The following ZNF276 variants were observed in gnomAD, a reference collection of about 807,000 sequenced individuals.
ZNF276 encodes centromere protein Z.
A neutral mutation model predicts 63.9 loss-of-function variants in ZNF276; 59 were observed. That is an observed-to-expected ratio of 0.92 (90% confidence interval 0.75 to 1.15). The LOEUF (loss-of-function observed/expected upper bound fraction) is 1.15. ZNF276 is among the 50% of genes most tolerant of loss of function. The pLI, the probability that ZNF276 is intolerant of heterozygous loss-of-function variation, is 0.00. For missense variants in ZNF276, 1,084 were observed against 843.8 expected, an observed-to-expected ratio of 1.28 and a Z score of -3.53; for synonymous variants, 496 against 348.4, an observed-to-expected ratio of 1.42 and a Z score of -4.72.
At chr16:89,736,817 A>T (rs977718233) in intron 9 of ZNF276, among the ~76,000 whole-genome samples, 11 of 151,440 alleles carry the variant, frequency 7.3e-5, no homozygotes, top group Non-Finnish European at 1.2e-4. Flanking sequence ...AAAAAAAAGA[A>T]TCCCTTGAAC....
chr16:89,739,798 G>A lies in ZNF276; in HGVS notation c.*1552G>A. On this transcript the variant is annotated 3_prime_UTR_variant, in exon 11 of 11. Transcript: ENST00000443381. ...GGCAGTCCCCATGATAGGCCCATTG[G>A]TCCTGGGGTTGACCAGTGAGCCAGT... 1.4e-6 allele frequency: 2 copies of A among 1,465,436 alleles called. No homozygotes were observed. The highest frequency in any genetic ancestry group is 1.8e-6 in the Non-Finnish European group (2 of 1,112,670). 90.8% of individuals were successfully genotyped at this position (1,465,436 alleles called of 1,614,324 possible).
chr16:89,722,347 A>T (rs1049446611), intron 1 of ZNF276, among the ~76,000 whole-genome samples, 184 bp from the exon 2 acceptor site: 2 of 152,152 alleles, frequency 1.3e-5, no homozygotes, highest in African/African-American at 4.8e-5. Context: ...GATTTCTTGG[A>T]CCAGCGGCCA....
chr16:89,729,433 T>G, intron 6 of ZNF276, 115 bp downstream of exon 6: 1 of 929,342 alleles, frequency 1.1e-6, no homozygotes, highest in Non-Finnish European at 1.7e-6. Flanking sequence ...TGTGCGGATC[T>G]CCCGAGCCCA....
chr16:89,727,573 C>T (rs550917638), intron 5 of ZNF276, among the ~76,000 whole-genome samples: 49 of 152,284 alleles, frequency 3.2e-4, no homozygotes, highest in Non-Finnish European at 5.1e-4. Context: ...CGCCTCCTCT[C>T]GAGGTGGCGG....
chr16:89,734,683 C>G (rs2061790390), intron 9 of ZNF276, among the ~76,000 whole-genome samples: 1 of 152,182 alleles, frequency 6.6e-6, no homozygotes, highest in Non-Finnish European at 1.5e-5. Flanking sequence ...GGGAGCTGCC[C>G]ACGTGGACAG....
At chr16:89,724,766 C>G (rs1238186282) in intron 4 of ZNF276, among the ~76,000 whole-genome samples, 1 of 152,206 alleles carries the variant, frequency 6.6e-6, no homozygotes, top group Non-Finnish European at 1.5e-5. Flanking sequence ...AGCTGCTTGG[C>G]TCTGTAAACT....
rs1168642609 is a variant in ZNF276, at chr16:89,734,007, C to T, written c.1443C>T (p.Tyr481=). 2 of 1,614,092 alleles carry T rather than the reference C, an allele frequency of 1.2e-6. No homozygotes were observed. Among genetic ancestry groups the T allele is most frequent in the Middle Eastern group, 1.6e-4 (1 of 6,062 alleles). The change falls in exon 9 of 11, where the codon TAC becomes TAT. Residue 481 remains tyrosine (Y), a synonymous_variant. Transcript: ENST00000443381. ...GCNKVFMIDR[Y]LQRHVKLIHT... is the part of the protein sequence containing the mutation. ...ACAAGGTTTTCATGATCGACCGCTA[C>T]CTGCAGCGCCACGTGAAGCTCATCC...
chr16:89,730,720 A>G (rs950638916), intron 6 of ZNF276, among the ~76,000 whole-genome samples: 2 of 152,216 alleles, frequency 1.3e-5, no homozygotes, highest in African/African-American at 2.4e-5. Context: ...GACTGCGGCG[A>G]GTACCAGGGG....
At chr16:89,725,038 C>T (rs867247254) in intron 4 of ZNF276, among the ~76,000 whole-genome samples, 5 of 152,246 alleles carry the variant, frequency 3.3e-5, no homozygotes, top group Admixed American at 6.5e-5. Context: ...CTCAGCCTCC[C>T]GAGTAGCTGG....
Position 89,738,693 on chromosome 16 carries a change from CA to C in ZNF276, c.*448del, listed in dbSNP as rs1598048941. 1 of 1,613,936 alleles carries C rather than the reference CA, an allele frequency of 6.2e-7. No individual in the cohort carries two copies. ...GCGCTCACCTCTGGGTCGCAGTCCC[CA>C]CGATCAGCCAGCAGCTGTGAGAGAG... On this transcript the variant is annotated 3_prime_UTR_variant, in exon 11 of 11. Transcript: ENST00000443381.
chr16:89,722,660 T>TA lies in ZNF276; in HGVS notation c.335_336insA (p.Leu113AlafsTer177). The TA allele has an allele frequency of 6.2e-7, 1 of 1,612,312 alleles. No individual in the cohort carries two copies. The highest frequency in any genetic ancestry group is 8.5e-7 in the Non-Finnish European group (1 of 1,180,016). On this transcript the variant is annotated frameshift_variant, in exon 2 of 11. Coordinates refer to ENST00000443381, the MANE Select transcript of ZNF276 (RefSeq NM_001113525.2). LOFTEE classifies it high-confidence loss of function. ...GAGAGGCCATCCGCAGAGGAGCGCG[T>TA]GCTCGTACGGGACTTCCAGCGCCTG...
chr16:89,730,010 C>T (rs1051109619), intron 6 of ZNF276, among the ~76,000 whole-genome samples: 1 of 152,150 alleles, frequency 6.6e-6, no homozygotes, highest in Non-Finnish European at 1.5e-5. Context: ...TTTCACAGCC[C>T]AGAACAAAGG....
chr16:89,723,192 T>TC lies in ZNF276; in HGVS notation c.556+14dup. 3.1e-6 allele frequency: 5 copies of TC among 1,613,078 alleles called. No homozygotes were observed. The highest frequency in any genetic ancestry group is 4.2e-6 in the Non-Finnish European group (5 of 1,180,002). ...GGAGGGAGCGTGTCTGGGTGAGTCC[T>TC]CCCCCGGTGGAGGGTGGGCTGGGTG... On this transcript the variant is annotated intron_variant, in intron 3 of 10. Transcript: ENST00000443381.
rs17233819 is a variant in ZNF276, at chr16:89,737,929, C to G, written c.1574+24C>G. ...CAGTAAGTGTGAGTCAGGACCCCCT[C>G]CCAGGGCTGTGGCCCTCGCACCTTC... On this transcript the variant is annotated intron_variant, in intron 10 of 10. Transcript: ENST00000443381. 33 of 1,467,150 alleles carry G rather than the reference C, an allele frequency of 2.2e-5. No individual in the cohort carries two copies. Among genetic ancestry groups the G allele is most frequent in the Non-Finnish European group, 2.9e-5 (32 of 1,121,136 alleles). The allele number at this position is 1,467,150 out of a possible 1,614,324, so 90.9% of individuals were successfully genotyped here.
upstream of ZNF276, chr16:89,721,070 C>G (rs1178173496): frequency 1.0e-5 from 4 of 384,642 alleles, no homozygotes; most frequent in Non-Finnish European, 1.7e-5. Context: ...GGTGGGTTGT[C>G]GCGACGGAGC....
chr16:89,737,148 T>G (rs1472398502), intron 9 of ZNF276, among the ~76,000 whole-genome samples: 2 of 152,108 alleles, frequency 1.3e-5, no homozygotes, highest in Non-Finnish European at 2.9e-5. Context: ...TGGACCCCTC[T>G]CATATGGAGA....
intron 4 of ZNF276, among the ~76,000 whole-genome samples, chr16:89,726,492 A>C (rs1164585634): frequency 2.6e-5 from 4 of 151,994 alleles, no homozygotes; most frequent in African/African-American, 7.2e-5. Flanking sequence ...TACCACGCCC[A>C]GCTCAATTTT....
chr16:89,737,854 G>A lies in ZNF276; in HGVS notation c.1523G>A (p.Arg508Gln), dbSNP rs745414313. ...CDECGQTFKQ[R>Q]KHLLVHQMRH... is the part of the protein sequence containing the mutation. Reference sequence around the variant, plus strand: ...GAATGTGGACAAACCTTCAAGCAGCGGAAGCACCTTCTCGTCCACCAAATG... The same window carrying A: ...GAATGTGGACAAACCTTCAAGCAGCAGAAGCACCTTCTCGTCCACCAAATG... The change falls in exon 10 of 11, where the codon CGG (arginine) becomes CAG (glutamine). Residue 508 changes from arginine (R) to glutamine (Q), a missense_variant. Coordinates refer to ENST00000443381, the MANE Select transcript of ZNF276 (RefSeq NM_001113525.2). 1.2e-5 allele frequency: 19 copies of A among 1,614,156 alleles called. No homozygotes were observed. Among genetic ancestry groups the A allele is most frequent in the East Asian group, 2.2e-5 (1 of 44,874 alleles).
upstream of ZNF276, chr16:89,721,535 C>T (rs1010041445): frequency 1.2e-5 from 14 of 1,200,482 alleles, no homozygotes; most frequent in Non-Finnish European, 1.5e-5. Flanking sequence ...CGCCCCTCCC[C>T]CGCCCCGCCT....
Sources: gnomAD v4.1 joint callset for allele counts (sites outside exome capture counted in the v4.1 genomes callset) on GRCh38, gnomAD v4.1.1 for gene constraint, MANE v1.5 for transcripts, NCBI Gene and HGNC (gene_info 2026-07-23, HGNC 2026-07-21) for gene names.